Variants in DOCK1 observed in about 807,000 individuals in gnomAD.
DOCK1 encodes the protein dedicator of cytokinesis 1.
Under a neutral mutation model 262.7 loss-of-function variants are expected in DOCK1, and 138 were observed. That is an observed-to-expected ratio of 0.53 (90% confidence interval 0.46 to 0.61). The LOEUF is 0.61. Among genes scored for constraint, DOCK1 ranks in the 20% least tolerant of loss-of-function variants. The pLI, the probability that DOCK1 is intolerant of heterozygous loss-of-function variation, is 0.00. For synonymous variants in DOCK1, 866 were observed against 867.4 expected, an observed-to-expected ratio of 1.00 and a Z score of 0.03; for missense variants, 1,908 against 2,370.7, an observed-to-expected ratio of 0.80 and a Z score of 4.05.
intron 32 of DOCK1, among the ~76,000 whole-genome samples, chr10:127,361,422 T>C (rs2064440341): frequency 6.6e-6 from 1 of 152,112 alleles, no homozygotes; most frequent in East Asian, 1.9e-4. Context: ...CCTAAAGTAG[T>C]TATTTAAATA....
In DOCK1 at chr10:127,446,199, G is replaced by T. The variant is rs2070535785; in HGVS notation, c.5414-1195G>T. ...TGGGAGGCGGAGGTTGCAGTGAGCT[G>T]AGATCGCACCACTGCACTCCAGCCT... On this transcript the variant is annotated intron_variant, in intron 50 of 51. Coordinates refer to ENST00000623213, the MANE Select transcript of DOCK1 (RefSeq NM_001290223.2). This position sits in a 1 kb window ranked among gnomAD's most constrained non-coding sequence, Gnocchi z 4.4. Among the ~76,000 whole-genome samples, 1 of 151,850 alleles carries T rather than the reference G, an allele frequency of 6.6e-6. No homozygotes were observed. Among genetic ancestry groups the T allele is most frequent in the African/African-American group, 2.4e-5 (1 of 41,320 alleles).
intron 12 of DOCK1, among the ~76,000 whole-genome samples, chr10:127,016,742 C>CACACACAA (rs2041927272): frequency 2.7e-5 from 4 of 145,468 alleles, no homozygotes; most frequent in Admixed American, 1.4e-4. Context: ...ACCACACACA[C>CACACACAA]ACACACTAAC....
At chr10:127,033,577 A>C (rs1231308379) in intron 18 of DOCK1, among the ~76,000 whole-genome samples, 1 of 152,118 alleles carries the variant, frequency 6.6e-6, no homozygotes, top group African/African-American at 2.4e-5. Flanking sequence ...TTTTCCTCTT[A>C]ACTGCCCGAT....
chr10:127,101,640 G>A (rs1447602871), intron 23 of DOCK1, among the ~76,000 whole-genome samples: 1 of 152,212 alleles, frequency 6.6e-6, no homozygotes, highest in Non-Finnish European at 1.5e-5. Context: ...GACTTTGGGA[G>A]CCCTCGCCCC....
At position 126,981,907 on chromosome 10, in the gene DOCK1, T is replaced by C. The variant is rs781201616; in HGVS notation, c.172-11T>C. On this transcript the variant is annotated splice_polypyrimidine_tract_variant and intron_variant, in intron 3 of 51. Coordinates refer to ENST00000623213, the MANE Select transcript of DOCK1 (RefSeq NM_001290223.2). ...ATAATAAAAGCTACTGTTTTTTTTT[T>C]CCTCCCAAAGGGTATATTTCCTGCT... The C allele has an allele frequency of 1.9e-6, 3 of 1,603,868 alleles. No homozygotes were observed. The highest frequency in any genetic ancestry group is 2.5e-6 in the Non-Finnish European group (3 of 1,177,058).
chr10:127,283,711 T>G (rs1350737673), intron 29 of DOCK1, among the ~76,000 whole-genome samples: 1 of 152,238 alleles, frequency 6.6e-6, no homozygotes, highest in East Asian at 1.9e-4. Flanking sequence ...AGCATTTTCA[T>G]TGCCAACTTT....
chr10:127,266,506 C>CAT (rs988830461), intron 29 of DOCK1, among the ~76,000 whole-genome samples: 5 of 135,706 alleles, frequency 3.7e-5, no homozygotes, highest in East Asian at 2.1e-4. Flanking sequence ...CACACACACA[C>CAT]ATATATATAG....
intron 39 of DOCK1, among the ~76,000 whole-genome samples, chr10:127,403,705 G>A (rs898101323): frequency 6.6e-6 from 1 of 152,224 alleles, no homozygotes; most frequent in Non-Finnish European, 1.5e-5. Context: ...GTTGCAGTGA[G>A]CTGAGATCGC....
At chr10:127,378,031 T>TCTTTACAAGTTGTAAAA (rs1458165300) in intron 35 of DOCK1, among the ~76,000 whole-genome samples, 2 of 152,176 alleles carry the variant, frequency 1.3e-5, no homozygotes, top group African/African-American at 4.8e-5. Context: ...TATTTGTAAT[T>TCTTTACAAGTTGTAAAA]CTTTAACTAG....
chr10:127,297,325 G>T (rs2061536322), intron 29 of DOCK1, among the ~76,000 whole-genome samples: 1 of 152,272 alleles, frequency 6.6e-6, no homozygotes, highest in East Asian at 1.9e-4. Flanking sequence ...GAAGCAAGCG[G>T]TATCTGCAGG....
chr10:126,945,228 C>T (rs1429712749), intron 1 of DOCK1, among the ~76,000 whole-genome samples: 1 of 152,108 alleles, frequency 6.6e-6, no homozygotes, highest in African/African-American at 2.4e-5. Flanking sequence ...CCACGGGGGA[C>T]AGAGTCATTT....
At chr10:127,205,533 G>GT (rs1393225675) in intron 27 of DOCK1, among the ~76,000 whole-genome samples, 1 of 152,202 alleles carries the variant, frequency 6.6e-6, no homozygotes, top group Non-Finnish European at 1.5e-5. Flanking sequence ...TCTTGATGGC[G>GT]TAAGTGGATG....
At chr10:127,329,236 G>A (rs917717123) in intron 29 of DOCK1, among the ~76,000 whole-genome samples, 6 of 152,126 alleles carry the variant, frequency 3.9e-5, no homozygotes, top group Non-Finnish European at 8.8e-5. Flanking sequence ...TCCTGTGCCC[G>A]AGGGGTGGGG....
chr10:127,360,278 T>C (rs1348286670), intron 32 of DOCK1, among the ~76,000 whole-genome samples: 1 of 152,134 alleles, frequency 6.6e-6, no homozygotes, highest in Non-Finnish European at 1.5e-5. Flanking sequence ...CTCACCCTGA[T>C]CCTCAGGAGT....
Position 127,439,150 on chromosome 10 carries a change from A to C in DOCK1, c.5184A>C (p.Gln1728His), listed in dbSNP as rs1315130051. 2.5e-6 allele frequency: 4 copies of C among 1,608,264 alleles called. No individual in the cohort carries two copies. Among genetic ancestry groups the C allele is most frequent in the Non-Finnish European group, 2.5e-6 (3 of 1,177,464 alleles). ...AGGAAAAAAGGAACAGCAAACATCA[A>C]GAGATATTTGAGAAAGAATTTAAAC... ...KKKEKRNSKHQEIFEKEFKPT... is the reference protein window; with the variant it reads ...KKKEKRNSKHHEIFEKEFKPT... The change falls in exon 49 of 52, where the codon CAA becomes CAC. Residue 1728 changes from glutamine (Q) to histidine (H), a missense_variant. Physicochemically the swap from Gln to His is conservative, Grantham distance 24. Coordinates refer to ENST00000623213, the MANE Select transcript of DOCK1 (RefSeq NM_001290223.2).
At chr10:127,146,853 G>A (rs2051909799) in intron 27 of DOCK1, among the ~76,000 whole-genome samples, 1 of 152,182 alleles carries the variant, frequency 6.6e-6, no homozygotes, top group Non-Finnish European at 1.5e-5. Flanking sequence ...GCATACAAAT[G>A]CAATTACCAC....
intron 1 of DOCK1, among the ~76,000 whole-genome samples, chr10:126,935,667 C>T (rs2034515670): frequency 6.6e-6 from 1 of 152,224 alleles, no homozygotes; most frequent in African/African-American, 2.4e-5. Context: ...TCTCTCTATC[C>T]CTTGGATACT....
intron 21 of DOCK1, among the ~76,000 whole-genome samples, chr10:127,045,870 C>T (rs558743042): frequency 2.0e-5 from 3 of 152,166 alleles, no homozygotes; most frequent in South Asian, 2.1e-4. Context: ...TCTGCTCCGC[C>T]CCCTCTAGCC....
intron 6 of DOCK1, among the ~76,000 whole-genome samples, chr10:126,991,343 A>C (rs2039771906): frequency 6.6e-6 from 1 of 152,170 alleles, no homozygotes; most frequent in East Asian, 1.9e-4. Flanking sequence ...GGTAATATTT[A>C]GTTTTCATAG....
Sources: gnomAD v4.1 joint callset for allele counts (sites outside exome capture counted in the v4.1 genomes callset) on GRCh38, gnomAD v4.1.1 for gene constraint, Gnocchi (gnomAD v3.1) non-coding constraint, MANE v1.5 for transcripts, NCBI Gene and HGNC (gene_info 2026-07-23, HGNC 2026-07-21) for gene names.